Variants in TOX observed in about 807,000 individuals in gnomAD.
The protein encoded by TOX is thymocyte selection associated high mobility group box.
In TOX, 11 loss-of-function variants were observed where a neutral mutation model predicts 53.7. That is an observed-to-expected ratio of 0.20 (90% CI 0.13 to 0.34). The LOEUF (loss-of-function observed/expected upper bound fraction) is 0.34. Among genes scored for constraint, TOX ranks in the 10% least tolerant of loss-of-function variants. The pLI, the probability that TOX is intolerant of heterozygous loss-of-function variation, is 1.00. For synonymous variants in TOX, 225 were observed against 245.3 expected, an observed-to-expected ratio of 0.92 and a Z score of 0.77; for missense variants, 570 against 664.6, an observed-to-expected ratio of 0.86 and a Z score of 1.56.
At chr8:58,976,671 T>C (rs1285650323) in intron 1 of TOX, among the ~76,000 whole-genome samples, 1 of 152,186 alleles carries the variant, frequency 6.6e-6, no homozygotes, top group Admixed American at 6.5e-5. Flanking sequence ...TCTTACAAAA[T>C]GTATTTCTGA....
intron 3 of TOX, among the ~76,000 whole-genome samples, chr8:58,908,994 C>T (rs939324053): frequency 2.6e-5 from 4 of 152,186 alleles, no homozygotes; most frequent in Non-Finnish European, 5.9e-5. Context: ...TATTGGCTAT[C>T]TTCCCTTTGT....
At chr8:58,932,590 ATATT>A (rs1812274393) in intron 3 of TOX, among the ~76,000 whole-genome samples, 1 of 152,184 alleles carries the variant, frequency 6.6e-6, no homozygotes, top group South Asian at 2.1e-4. Context: ...GATTTGGAAA[ATATT>A]TATTTTAAAA....
At chr8:58,849,801 A>G (rs978233736) in intron 4 of TOX, among the ~76,000 whole-genome samples, 11 of 152,338 alleles carry the variant, frequency 7.2e-5, no homozygotes, top group African/African-American at 2.6e-4. Flanking sequence ...TTTTCGCCTT[A>G]CAATATAGTA....
At chr8:59,064,786 A>G (rs1456565523) in intron 1 of TOX, among the ~76,000 whole-genome samples, 4 of 152,222 alleles carry the variant, frequency 2.6e-5, no homozygotes, top group Non-Finnish European at 4.4e-5. Context: ...AGTAGAATAA[A>G]ACAAGAAATT....
chr8:58,987,350 A>G (rs1478420692), intron 1 of TOX, among the ~76,000 whole-genome samples: 2 of 152,196 alleles, frequency 1.3e-5, no homozygotes, highest in African/African-American at 4.8e-5. Context: ...CAGGGACAAC[A>G]GATGCCACTC....
At chr8:58,874,717 C>T (rs1375572544) in intron 3 of TOX, among the ~76,000 whole-genome samples, 3 of 152,234 alleles carry the variant, frequency 2.0e-5, no homozygotes, top group South Asian at 2.1e-4. Context: ...GGGTGTCTAA[C>T]ACTAAAAGGC....
intron 1 of TOX, among the ~76,000 whole-genome samples, chr8:58,963,732 G>A (rs910698967): frequency 3.3e-5 from 5 of 152,086 alleles, no homozygotes; most frequent in African/African-American, 9.7e-5. Context: ...GCAGGCTCTG[G>A]GCTCCCCTAG....
At chr8:59,113,318 A>G (rs759390742) in intron 1 of TOX, among the ~76,000 whole-genome samples, 1 of 152,202 alleles carries the variant, frequency 6.6e-6, no homozygotes, top group Non-Finnish European at 1.5e-5. Context: ...ACACTATGAT[A>G]GCTTAGAAAT....
intron 1 of TOX, among the ~76,000 whole-genome samples, chr8:59,015,630 A>G (rs1383997976): frequency 6.6e-6 from 1 of 152,366 alleles, no homozygotes; most frequent in African/African-American, 2.4e-5. Context: ...TATAAAAGAC[A>G]TAGATAAAAA....
intron 3 of TOX, among the ~76,000 whole-genome samples, chr8:58,859,021 A>T (rs1040581387): frequency 2.0e-5 from 3 of 152,218 alleles, no homozygotes; most frequent in African/African-American, 7.2e-5. Flanking sequence ...GGGAAATTTA[A>T]TAATCAAAAT....
intron 3 of TOX, among the ~76,000 whole-genome samples, chr8:58,854,026 C>T (rs754578744): frequency 9.9e-5 from 15 of 152,190 alleles, no homozygotes; most frequent in Non-Finnish European, 1.6e-4. Flanking sequence ...GTAATGGCTA[C>T]CTGTAAGTGG....
intron 3 of TOX, among the ~76,000 whole-genome samples, chr8:58,900,849 T>C (rs1290779942): frequency 2.0e-5 from 3 of 152,036 alleles, no homozygotes; most frequent in Admixed American, 2.0e-4. Flanking sequence ...TTGGTAGAGG[T>C]TTTTTTTGTA....
At chr8:58,886,808 A>G (rs10105665) in intron 3 of TOX, among the ~76,000 whole-genome samples, 85,431 of 151,388 alleles carry the variant, frequency 0.56, 24,929 homozygotes, top group African/African-American at 0.71. Flanking sequence ...TACCTTTTAT[A>G]TTTACTTTTA....
chr8:59,054,254 G>A (rs566505925), intron 1 of TOX, among the ~76,000 whole-genome samples: 1 of 152,232 alleles, frequency 6.6e-6, no homozygotes, highest in East Asian at 1.9e-4. Context: ...TTCATGAATA[G>A]GCATGAGCAC....
At chr8:58,941,259 G>A (rs1812434599) in intron 2 of TOX, among the ~76,000 whole-genome samples, 1 of 152,174 alleles carries the variant, frequency 6.6e-6, no homozygotes, top group Non-Finnish European at 1.5e-5. Flanking sequence ...TGCCTAATGG[G>A]GAGGTGGGAG....
In TOX at chr8:59,061,441, G is replaced by T. The variant is rs774394317; in HGVS notation, c.102+57445C>A. ...ACAGCTTGTATCTCTAAAAGATAAC[G>T]TTCAGTAAAGGTTTAGTAATTACCT... On this transcript the variant is annotated intron_variant, in intron 1 of 8. Coordinates refer to ENST00000361421, the MANE Select transcript of TOX (RefSeq NM_014729.3). Among the ~76,000 whole-genome samples the T allele has an allele frequency of 5.9e-5, 9 of 152,266 alleles. No homozygotes were observed. The East Asian group carries it at 1.7e-3, about 29-fold the overall frequency.
chr8:59,088,658 T>C (rs1490465541), intron 1 of TOX, among the ~76,000 whole-genome samples: 1 of 152,222 alleles, frequency 6.6e-6, no homozygotes, highest in Non-Finnish European at 1.5e-5. Flanking sequence ...AGAATTTTAA[T>C]GACTAAAAAA....
intron 3 of TOX, among the ~76,000 whole-genome samples, chr8:58,929,542 T>G (rs1025994789): frequency 6.6e-6 from 1 of 152,118 alleles, no homozygotes; most frequent in Non-Finnish European, 1.5e-5. Context: ...AGCATTCCCA[T>G]ATGCTCTAGA....
At chr8:59,046,764 A>T (rs1803689897) in intron 1 of TOX, among the ~76,000 whole-genome samples, 1 of 145,714 alleles carries the variant, frequency 6.9e-6, no homozygotes, top group South Asian at 2.3e-4. Flanking sequence ...AGGCTGAGGC[A>T]TGAGAATTCG....
Sources: allele counts gnomAD v4.1 joint callset (sites outside exome capture counted in the v4.1 genomes callset), GRCh38; gene constraint gnomAD v4.1.1; transcripts MANE v1.5; gene names NCBI Gene and HGNC (gene_info 2026-07-23, HGNC 2026-07-21).